Variants in ZNF423 observed in about 807,000 individuals in gnomAD.
ZNF423 encodes the protein Ebf-associated zinc finger protein.
Under a neutral mutation model 95.8 loss-of-function variants are expected in ZNF423, and 12 were observed. The ratio of observed to expected loss-of-function variants is 0.13; its 90% CI spans 0.08 to 0.20. ZNF423 has a LOEUF of 0.20. ZNF423 is among the 10% of genes least tolerant of loss of function. The pLI is 1.00. For missense variants in ZNF423, 1,316 were observed against 1,737.1 expected, an observed-to-expected ratio of 0.76 and a Z score of 4.31; for synonymous variants, 749 against 711.9, an observed-to-expected ratio of 1.05 and a Z score of -0.83.
At chr16:49,811,759 C>T (rs1384314826) in intron 1 of ZNF423, among the ~76,000 whole-genome samples, 3 of 151,538 alleles carry the variant, frequency 2.0e-5, no homozygotes, top group African/African-American at 4.9e-5. Context: ...TACCCCCACC[C>T]CCGCCCCCAG....
At chr16:49,731,445 T>C (rs1267486344) in intron 2 of ZNF423, 2 of 848,334 alleles carry the variant, frequency 2.4e-6, no homozygotes, top group African/African-American at 3.7e-5. Flanking sequence ...CTCAGTTCTT[T>C]GCAAAGATGT....
intron 3 of ZNF423, among the ~76,000 whole-genome samples, chr16:49,642,915 G>A (rs139735653): frequency 6.0e-5 from 9 of 149,712 alleles, no homozygotes; most frequent in African/African-American, 1.7e-4. Flanking sequence ...CTGCCTCCCA[G>A]GTTCAAGCAA....
chr16:49,525,105 A>C (rs1968550316), intron 6 of ZNF423, among the ~76,000 whole-genome samples: 1 of 152,222 alleles, frequency 6.6e-6, no homozygotes, highest in African/African-American at 2.4e-5. Flanking sequence ...TCCTGTGTGC[A>C]GAGGGCGAGG....
At chr16:49,582,632 A>G (rs1055481936) in intron 5 of ZNF423, among the ~76,000 whole-genome samples, 1 of 152,258 alleles carries the variant, frequency 6.6e-6, no homozygotes, top group Non-Finnish European at 1.5e-5. Context: ...TTGGAGGCAC[A>G]TAAACATCAA....
intron 3 of ZNF423, among the ~76,000 whole-genome samples, chr16:49,705,280 C>T (rs1464363249): frequency 2.6e-5 from 4 of 152,162 alleles, no homozygotes; most frequent in Admixed American, 6.5e-5. Context: ...GGGGAGTGCC[C>T]TCTGTCTAGC....
chr16:49,727,615 G>A (rs1392373214), intron 3 of ZNF423, among the ~76,000 whole-genome samples: 1 of 152,150 alleles, frequency 6.6e-6, no homozygotes, highest in Non-Finnish European at 1.5e-5. Flanking sequence ...GAAGGCCAAT[G>A]GCTTGCAAGG....
intron 3 of ZNF423, among the ~76,000 whole-genome samples, chr16:49,673,341 A>G (rs1039002846): frequency 6.6e-6 from 1 of 152,164 alleles, no homozygotes; most frequent in Non-Finnish European, 1.5e-5. Context: ...ACTGGGAAAG[A>G]TTGTTGCATA....
At chr16:49,583,157 G>T (rs1196562955) in intron 5 of ZNF423, among the ~76,000 whole-genome samples, 1 of 152,194 alleles carries the variant, frequency 6.6e-6, no homozygotes, top group African/African-American at 2.4e-5. Flanking sequence ...AAAGGGTTAG[G>T]ACCTAGGAAC....
chr16:49,650,755 G>T lies in ZNF423; in HGVS notation c.302-11881C>A, dbSNP rs1596791954. Among the ~76,000 whole-genome samples, 4 of 152,304 alleles carry T rather than the reference G, an allele frequency of 2.6e-5. No individual in the cohort carries two copies. In the Middle Eastern group the frequency reaches 0.014, roughly 518 times the overall value. ...CCCAGTAATGAGGAAAAAGAACAGAGAGGTTAGGTCACATCCTGACATCAC... is the reference window on the plus strand; with the variant it reads ...CCCAGTAATGAGGAAAAAGAACAGATAGGTTAGGTCACATCCTGACATCAC... On this transcript the variant is annotated intron_variant, in intron 3 of 7. Transcript: ENST00000563137.
At chr16:49,849,224 C>T (rs1392457879) in intron 1 of ZNF423, among the ~76,000 whole-genome samples, 1 of 152,148 alleles carries the variant, frequency 6.6e-6, no homozygotes, top group Non-Finnish European at 1.5e-5. Flanking sequence ...ACCCCTTCTA[C>T]CCTTCTACAT....
chr16:49,845,535 T>G (rs1176958563), intron 1 of ZNF423, among the ~76,000 whole-genome samples: 1 of 151,586 alleles, frequency 6.6e-6, no homozygotes, highest in South Asian at 2.1e-4. Flanking sequence ...TTTTGTTTTG[T>G]TTTGTTTTGG....
chr16:49,671,432 C>T (rs565867901), intron 3 of ZNF423, among the ~76,000 whole-genome samples: 4 of 152,344 alleles, frequency 2.6e-5, no homozygotes, highest in South Asian at 4.1e-4. Flanking sequence ...CGCGTCCACC[C>T]GCTACAGGGT....
intron 5 of ZNF423, among the ~76,000 whole-genome samples, chr16:49,616,607 C>A (rs930286052): frequency 2.0e-5 from 3 of 151,912 alleles, no homozygotes; most frequent in African/African-American, 7.3e-5. Context: ...ATATATACAC[C>A]TATTATGTAC....
intron 3 of ZNF423, among the ~76,000 whole-genome samples, chr16:49,684,937 C>T (rs538566809): frequency 4.9e-4 from 75 of 152,312 alleles, no homozygotes; most frequent in African/African-American, 1.6e-3. Context: ...AGACAGCGGG[C>T]GGAATCTACA....
At chr16:49,592,945 T>G (rs1971055846) in intron 5 of ZNF423, among the ~76,000 whole-genome samples, 1 of 152,200 alleles carries the variant, frequency 6.6e-6, no homozygotes. Flanking sequence ...AGAGACAGCT[T>G]TCGTGCGGTT....
chr16:49,750,395 G>C (rs545769975), intron 2 of ZNF423, among the ~76,000 whole-genome samples: 1 of 152,304 alleles, frequency 6.6e-6, no homozygotes, highest in South Asian at 2.1e-4. Flanking sequence ...GATCCCAGGT[G>C]GGGGAAGTGG....
At chr16:49,543,401 C>T (rs935809963) in intron 5 of ZNF423, among the ~76,000 whole-genome samples, 1 of 152,162 alleles carries the variant, frequency 6.6e-6, no homozygotes, top group Admixed American at 6.5e-5. Flanking sequence ...CCACTCCCCA[C>T]CACAGCCCCC....
intron 2 of ZNF423, among the ~76,000 whole-genome samples, chr16:49,782,895 A>T (rs1357276125): frequency 6.6e-6 from 1 of 151,728 alleles, no homozygotes; most frequent in Non-Finnish European, 1.5e-5. Context: ...AGGCTGAGAC[A>T]GGAGGATTGT....
At chr16:49,677,092 T>C (rs1370528976) in intron 3 of ZNF423, among the ~76,000 whole-genome samples, 5 of 150,462 alleles carry the variant, frequency 3.3e-5, no homozygotes, top group Non-Finnish European at 7.4e-5. Flanking sequence ...GTGGTGCGTG[T>C]CTGTAGTCCC....
Sources: allele counts gnomAD v4.1 joint callset (sites outside exome capture counted in the v4.1 genomes callset), GRCh38; gene constraint gnomAD v4.1.1; transcripts MANE v1.5; gene names NCBI Gene and HGNC (gene_info 2026-07-23, HGNC 2026-07-21).